DNM1: variants seen among roughly 807,000 people sequenced by gnomAD.
The protein encoded by DNM1 is dynamin-1.
A neutral mutation model predicts 104.6 loss-of-function variants in DNM1; 29 were observed. The ratio of observed to expected loss-of-function variants is 0.28; its 90% CI spans 0.21 to 0.38. The LOEUF is 0.38. Among genes scored for constraint, DNM1 ranks in the 10% least tolerant of loss-of-function variants. The pLI is 1.00. For missense variants in DNM1, 640 were observed against 1,189.4 expected (o/e 0.54, Z 6.79); for synonymous variants, 445 against 475.8 (o/e 0.94, Z 0.84).
intron 4 of DNM1, 39 bp from the exon 5 acceptor site, chr9:128,219,940 TGTGAGAGCG>T: frequency 6.9e-7 from 1 of 1,451,202 alleles, no homozygotes; most frequent in Non-Finnish European, 9.4e-7. Context: ...TGGAATTGTG[TGTGAGAGCG>T]GGTGCAGCTG....
At chr9:128,246,662 C>T (rs899509479) in intron 16 of DNM1, among the ~76,000 whole-genome samples, 159 bp downstream of exon 16, 1 of 152,028 alleles carries the variant, frequency 6.6e-6, no homozygotes, top group Admixed American at 6.6e-5. Context: ...TTGAGCTAGA[C>T]ATCATGTCAA....
chr9:128,226,967 C>T (rs1420799698), intron 10 of DNM1, among the ~76,000 whole-genome samples: 4 of 151,256 alleles, frequency 2.6e-5, no homozygotes, highest in Admixed American at 2.6e-4. Context: ...GGCACATCCA[C>T]CTTAGCATTG....
At chr9:128,236,471 A>G (rs546353463) in intron 11 of DNM1, among the ~76,000 whole-genome samples, 1 of 152,304 alleles carries the variant, frequency 6.6e-6, no homozygotes, top group Non-Finnish European at 1.5e-5. Context: ...AAAACATTCA[A>G]TCAGTATCGA....
intron 19 of DNM1, among the ~76,000 whole-genome samples, chr9:128,249,581 G>A (rs1371820211): frequency 2.0e-5 from 3 of 151,866 alleles, no homozygotes; most frequent in East Asian, 1.9e-4. Context: ...GCTTGAACCC[G>A]GGAGGCGGAG....
rs1554780910 is a variant in DNM1, at chr9:128,240,012, G to A, written c.1557+16G>A. The A allele has an allele frequency of 6.2e-7, 1 of 1,614,110 alleles. No homozygotes were observed. The highest frequency in any genetic ancestry group is 8.5e-7 in the Non-Finnish European group (1 of 1,179,984). On this transcript the variant is annotated intron_variant, in intron 14 of 21. Coordinates refer to ENST00000372923, the MANE Select transcript of DNM1 (RefSeq NM_004408.4). This position sits in a 1 kb window ranked among gnomAD's most constrained non-coding sequence, Gnocchi z 5.1. ...TGAGATTCTGGTGAGTACCAGGACTGGGGCTCTCGGCTTGTGTAGTGAGGG... is the reference window on the plus strand; with the variant it reads ...TGAGATTCTGGTGAGTACCAGGACTAGGGCTCTCGGCTTGTGTAGTGAGGG...
intron 10 of DNM1, among the ~76,000 whole-genome samples, chr9:128,227,164 C>T (rs1468680771): frequency 1.3e-5 from 2 of 151,592 alleles, no homozygotes; most frequent in Non-Finnish European, 2.9e-5. Flanking sequence ...CTAGCATGTA[C>T]CACCACACCT....
intron 15 of DNM1, among the ~76,000 whole-genome samples, chr9:128,242,798 G>A (rs541428023): frequency 1.1e-3 from 175 of 152,280 alleles, no homozygotes; most frequent in African/African-American, 4.0e-3. Flanking sequence ...GGATGCAAGG[G>A]TCCAAGGCAG....
chr9:128,206,992 G>A (rs1354366370), intron 1 of DNM1, among the ~76,000 whole-genome samples: 1 of 152,078 alleles, frequency 6.6e-6, no homozygotes, highest in African/African-American at 2.4e-5. Flanking sequence ...CAACCAGAAG[G>A]AGAATGGTGG....
Position 128,220,134 on chromosome 9 carries a change from T to G in DNM1, c.689-47T>G. On this transcript the variant is annotated intron_variant, in intron 5 of 21. Transcript: ENST00000372923. The surrounding 1 kb of genome is among the most constrained non-coding windows in gnomAD (Gnocchi z 5.2). ...CCACTCCCCAGCCCTTCCCCACCCT[T>G]CCCCTCCTCTTGAGGCTGGTTGCCC... 1 of 1,612,160 alleles carries G rather than the reference T, an allele frequency of 6.2e-7. No homozygotes were observed. The highest frequency in any genetic ancestry group is 1.3e-5 in the African/African-American group (1 of 74,968).
At chr9:128,250,689 C>A (rs1829466191) in intron 20 of DNM1, 36 bp from the exon 21 acceptor site, 3 of 1,439,740 alleles carry the variant, frequency 2.1e-6, no homozygotes, top group African/African-American at 1.5e-5. Context: ...CTGCTCATCT[C>A]GCCTCTCCTT....
chr9:128,250,953 T>C lies in DNM1; in HGVS notation c.2534+13T>C. On this transcript the variant is annotated intron_variant, in intron 21 of 21. Coordinates refer to ENST00000372923, the MANE Select transcript of DNM1 (RefSeq NM_004408.4). ...CCGGGGTCCCCAGGTGAGTAGGGGC[T>C]GAATGCGGCTGGAGAGGCTGCCGGA... 7.3e-7 allele frequency: 1 copy of C among 1,366,408 alleles called. No individual in the cohort carries two copies. The highest frequency in any genetic ancestry group is 9.7e-7 in the Non-Finnish European group (1 of 1,030,236). 84.6% of individuals were successfully genotyped at this position (1,366,408 alleles called of 1,614,324 possible). A position where few individuals can be genotyped will look rare whatever the true frequency, so the allele number is the denominator to read the frequency against.
chr9:128,217,977 C>T (rs1834714415), intron 1 of DNM1, among the ~76,000 whole-genome samples: 1 of 152,144 alleles, frequency 6.6e-6, no homozygotes, highest in Non-Finnish European at 1.5e-5. Context: ...CAACACAGGA[C>T]GTATCTAGGA....
chr9:128,226,062 T>C, intron 10 of DNM1: 1 of 1,612,702 alleles, frequency 6.2e-7, no homozygotes, highest in Non-Finnish European at 8.5e-7. Context: ...CTGACCTCGC[T>C]TTTGAAGCCA....
At position 128,247,551 on chromosome 9, in the gene DNM1, A is replaced by G. The variant is rs1836902814; in HGVS notation, c.1893+65A>G. 33 of 1,238,760 alleles carry G rather than the reference A, an allele frequency of 2.7e-5. No homozygotes were observed. The highest frequency in any genetic ancestry group is 3.7e-5 in the Non-Finnish European group (32 of 857,612). 76.7% of individuals were successfully genotyped at this position (1,238,760 alleles called of 1,614,324 possible). On this transcript the variant is annotated intron_variant, in intron 17 of 21. Coordinates refer to ENST00000372923, the MANE Select transcript of DNM1 (RefSeq NM_004408.4). This position sits in a 1 kb window ranked among gnomAD's most constrained non-coding sequence, Gnocchi z 5.1. ...CTAGGGCCCCTGGGGCACCATCCTC[A>G]GTGATGCCAAGTCATGCCATGTTTC...
chr9:128,250,526 A>T (rs965500970), intron 20 of DNM1, among the ~76,000 whole-genome samples, 170 bp downstream of exon 20: 5 of 151,518 alleles, frequency 3.3e-5, no homozygotes, highest in African/African-American at 7.3e-5. Flanking sequence ...TGCCGTGGAG[A>T]GCTGGCTGCA....
At chr9:128,237,560 C>T (rs567104983) in intron 11 of DNM1, among the ~76,000 whole-genome samples, 11 of 151,258 alleles carry the variant, frequency 7.3e-5, no homozygotes, top group South Asian at 2.1e-4. Flanking sequence ...TGAGCCACCC[C>T]GCCCGGCCTG....
chr9:128,238,974 T>G (rs1293680720), intron 11 of DNM1, among the ~76,000 whole-genome samples: 2 of 151,538 alleles, frequency 1.3e-5, no homozygotes, highest in African/African-American at 4.9e-5. Flanking sequence ...TTTTCTTTCT[T>G]TCTTTCATCC....
chr9:128,226,525 AGTGTTGTT>A (rs1835352738), intron 10 of DNM1, among the ~76,000 whole-genome samples: 1 of 152,208 alleles, frequency 6.6e-6, no homozygotes, highest in South Asian at 2.1e-4. Context: ...AGACGTGGGT[AGTGTTGTT>A]ATTCCCATTT....
chr9:128,219,971 C>G lies in DNM1; in HGVS notation c.590-17C>G. 6.5e-7 allele frequency: 1 copy of G among 1,543,886 alleles called. No homozygotes were observed. Among genetic ancestry groups the G allele is most frequent in the Non-Finnish European group, 8.8e-7 (1 of 1,139,574 alleles). ...AGCGGGTGCAGCTGTAGACGGCCCT[C>G]CTGCTGGTGCACCCAGGCCAGCGCA... is the stretch of plus-strand genomic sequence containing the variant. On this transcript the variant is annotated splice_polypyrimidine_tract_variant and intron_variant, in intron 4 of 21. Coordinates refer to ENST00000372923, the MANE Select transcript of DNM1 (RefSeq NM_004408.4).
Sources: gnomAD v4.1 joint callset for allele counts (sites outside exome capture counted in the v4.1 genomes callset) on GRCh38, gnomAD v4.1.1 for gene constraint, Gnocchi (gnomAD v3.1) non-coding constraint, MANE v1.5 for transcripts, NCBI Gene and HGNC (gene_info 2026-07-23, HGNC 2026-07-21) for gene names.